The following ARHGAP24 variants were observed in gnomAD, a reference collection of about 807,000 sequenced individuals.
ARHGAP24 encodes rho GTPase-activating protein 24.
A neutral mutation model predicts 76.4 loss-of-function variants in ARHGAP24; 50 were observed. The observed-to-expected ratio is 0.65, with a 90% CI of 0.52 to 0.83. The LOEUF (loss-of-function observed/expected upper bound fraction) is 0.83, where lower values mean the gene tolerates loss of function less well. ARHGAP24 is among the 40% of genes least tolerant of loss of function. The pLI, the probability that ARHGAP24 is intolerant of heterozygous loss-of-function variation, is 0.00. For missense variants in ARHGAP24, 930 were observed against 914.2 expected (o/e 1.02, Z -0.22); for synonymous variants, 345 against 323.3 (o/e 1.07, Z -0.72).
intron 3 of ARHGAP24, among the ~76,000 whole-genome samples, chr4:85,745,374 A>G (rs1205866291): frequency 1.4e-5 from 2 of 145,848 alleles, no homozygotes; most frequent in African/African-American, 5.0e-5. Context: ...ATTATATTGT[A>G]TACATACATG....
At chr4:85,656,680 A>C (rs1373880914) in intron 2 of ARHGAP24, among the ~76,000 whole-genome samples, 1 of 151,904 alleles carries the variant, frequency 6.6e-6, no homozygotes, top group Admixed American at 6.6e-5. Flanking sequence ...GTTGGCCAGG[A>C]TGGTCTCGAT....
chr4:85,889,974 A>G (rs1733795077), intron 3 of ARHGAP24, among the ~76,000 whole-genome samples: 1 of 151,794 alleles, frequency 6.6e-6, no homozygotes, highest in Non-Finnish European at 1.5e-5. Context: ...ACCTAAATCC[A>G]TGATCTGAAA....
At chr4:85,549,229 A>AGCCGGGTGCGGTGGCT (rs746291360) in intron 1 of ARHGAP24, among the ~76,000 whole-genome samples, 1 of 143,704 alleles carries the variant, frequency 7.0e-6, no homozygotes, top group African/African-American at 2.5e-5. Flanking sequence ...AGAAATTGCC[A>AGCCGGGTGCGGTGGCT]AACATTTTGT....
At chr4:85,745,380 AC>A (rs1213732895) in intron 3 of ARHGAP24, among the ~76,000 whole-genome samples, 1 of 143,648 alleles carries the variant, frequency 7.0e-6, no homozygotes, top group Non-Finnish European at 1.5e-5. Context: ...TTGTATACAT[AC>A]ATGTGCATAT....
chr4:85,610,451 CAAAAAAAAAAAAAAAAAAAAA>C (rs57348830), intron 2 of ARHGAP24, among the ~76,000 whole-genome samples: 2 of 51,212 alleles, frequency 3.9e-5, no homozygotes, highest in Admixed American at 3.9e-4. Flanking sequence ...ACTCCATCTA[CAAAAAAAAAAAAAAAAAAAAA>C]AAAAAAAAAA....
chr4:85,904,999 G>C (rs1734694028), intron 3 of ARHGAP24, among the ~76,000 whole-genome samples: 2 of 152,150 alleles, frequency 1.3e-5, no homozygotes, highest in Admixed American at 1.3e-4. Flanking sequence ...ACCTAACATA[G>C]TGCTTAGGGG....
intron 2 of ARHGAP24, among the ~76,000 whole-genome samples, chr4:85,635,217 T>C (rs1485310841): frequency 6.6e-6 from 1 of 151,850 alleles, no homozygotes; most frequent in Non-Finnish European, 1.5e-5. Flanking sequence ...AAATGAAGAC[T>C]TTACCTGCCA....
At chr4:85,929,191 A>G (rs1181460007) in intron 4 of ARHGAP24, among the ~76,000 whole-genome samples, 3 of 152,192 alleles carry the variant, frequency 2.0e-5, no homozygotes, top group African/African-American at 7.2e-5. Context: ...CGTGGTGCTG[A>G]GTTACACTTT....
chr4:85,640,464 A>G (rs1721481631), intron 2 of ARHGAP24, among the ~76,000 whole-genome samples: 1 of 152,198 alleles, frequency 6.6e-6, no homozygotes, highest in Non-Finnish European at 1.5e-5. Context: ...GGCAGTCATC[A>G]TCTTATTTGT....
chr4:85,500,794 G>T (rs1284456763), intron 1 of ARHGAP24, among the ~76,000 whole-genome samples: 1 of 152,058 alleles, frequency 6.6e-6, no homozygotes, highest in African/African-American at 2.4e-5. Context: ...GTATACATGT[G>T]CCATGTTGGT....
At chr4:85,743,065 A>G (rs1193763777) in intron 3 of ARHGAP24, among the ~76,000 whole-genome samples, 1 of 152,140 alleles carries the variant, frequency 6.6e-6, no homozygotes, top group East Asian at 1.9e-4. Context: ...TTAAAATGAG[A>G]GAATCTGAAT....
intron 2 of ARHGAP24, among the ~76,000 whole-genome samples, chr4:85,677,879 C>A (rs1203637416): frequency 6.6e-6 from 1 of 152,008 alleles, no homozygotes; most frequent in Non-Finnish European, 1.5e-5. Context: ...AAGACCCTAT[C>A]TCTATAGAGA....
chr4:85,764,957 A>T (rs544166685), intron 3 of ARHGAP24, among the ~76,000 whole-genome samples: 46 of 152,256 alleles, frequency 3.0e-4, no homozygotes, highest in Non-Finnish European at 6.3e-4. Flanking sequence ...CATAGAGAAG[A>T]TCTAGAGATT....
intron 5 of ARHGAP24, among the ~76,000 whole-genome samples, chr4:85,965,334 C>T (rs1293969271): frequency 1.3e-5 from 2 of 152,064 alleles, no homozygotes; most frequent in Non-Finnish European, 2.9e-5. Context: ...AGACCAGCCC[C>T]CATGATTCGA....
chr4:85,683,861 C>T (rs1723322344), intron 2 of ARHGAP24, among the ~76,000 whole-genome samples: 1 of 152,070 alleles, frequency 6.6e-6, no homozygotes, highest in Non-Finnish European at 1.5e-5. Flanking sequence ...CAATATTGTC[C>T]TCTGTGACTG....
At chr4:85,861,788 A>C (rs1731913928) in intron 3 of ARHGAP24, among the ~76,000 whole-genome samples, 1 of 152,062 alleles carries the variant, frequency 6.6e-6, no homozygotes. Context: ...TAATCTCCTG[A>C]AAGATCCCCG....
chr4:85,617,150 T>A (rs986884170), intron 2 of ARHGAP24, among the ~76,000 whole-genome samples: 6 of 147,832 alleles, frequency 4.1e-5, no homozygotes, highest in African/African-American at 1.5e-4. Context: ...TAGCTTTATG[T>A]TAAATATATT....
intron 2 of ARHGAP24, among the ~76,000 whole-genome samples, chr4:85,573,364 C>T (rs1727217127): frequency 6.6e-6 from 1 of 152,124 alleles, no homozygotes; most frequent in Non-Finnish European, 1.5e-5. Context: ...CTATATTGTT[C>T]TATGAGTGGC....
At chr4:85,945,095 C>A (rs899267527) in intron 5 of ARHGAP24, among the ~76,000 whole-genome samples, 4 of 151,988 alleles carry the variant, frequency 2.6e-5, no homozygotes, top group African/African-American at 7.2e-5. Context: ...ATCCACCCGA[C>A]TCAGCCTCCC....
Sources: gnomAD v4.1 joint callset for allele counts (sites outside exome capture counted in the v4.1 genomes callset) on GRCh38, gnomAD v4.1.1 for gene constraint, MANE v1.5 for transcripts, NCBI Gene and HGNC (gene_info 2026-07-23, HGNC 2026-07-21) for gene names.